The following AGBL1 variants were observed in gnomAD, a reference collection of about 807,000 sequenced individuals.
AGBL1 encodes the protein AGBL carboxypeptidase 1.
In AGBL1, 130 loss-of-function variants were observed where a neutral mutation model predicts 118.9. The observed-to-expected ratio is 1.09, with a 90% CI of 0.95 to 1.26. The LOEUF is 1.26. Among genes scored for constraint, AGBL1 ranks in the 50% most tolerant of loss-of-function variants. The pLI is 0.00. For missense variants in AGBL1, 1,584 were observed against 1,298.1 expected, an observed-to-expected ratio of 1.22 and a Z score of -3.38; for synonymous variants, 555 against 478.9, an observed-to-expected ratio of 1.16 and a Z score of -2.08.
At chr15:86,842,569 A>C (rs2079260591) in intron 22 of AGBL1, among the ~76,000 whole-genome samples, 1 of 152,188 alleles carries the variant, frequency 6.6e-6, no homozygotes, top group African/African-American at 2.4e-5. Flanking sequence ...AGAAACAGGC[A>C]ATCTAACCAT....
chr15:86,243,009 A>G (rs544360615), intron 6 of AGBL1, among the ~76,000 whole-genome samples: 1 of 152,272 alleles, frequency 6.6e-6, no homozygotes, highest in South Asian at 2.1e-4. Context: ...TTCACTTCTG[A>G]AGGAGCTGGG....
chr15:86,592,880 C>T (rs75055024), intron 21 of AGBL1, among the ~76,000 whole-genome samples: 2,236 of 152,232 alleles, frequency 0.015, 57 homozygotes, highest in African/African-American at 0.051. Context: ...TCCTGGGGTG[C>T]GGGACCATCT....
chr15:86,347,869 G>A (rs1384315071), intron 17 of AGBL1, among the ~76,000 whole-genome samples: 1 of 152,192 alleles, frequency 6.6e-6, no homozygotes, highest in Non-Finnish European at 1.5e-5. Flanking sequence ...TCTATCAGCT[G>A]CCATTGTCAT....
intron 3 of AGBL1, among the ~76,000 whole-genome samples, chr15:86,148,926 C>A (rs1310552170): frequency 6.6e-6 from 1 of 152,222 alleles, no homozygotes; most frequent in Non-Finnish European, 1.5e-5. Context: ...AACAGCGGAT[C>A]TCTTGGCAGA....
chr15:86,827,756 G>A (rs1299002077), intron 22 of AGBL1, among the ~76,000 whole-genome samples: 1 of 147,474 alleles, frequency 6.8e-6, no homozygotes, highest in Non-Finnish European at 1.5e-5. Flanking sequence ...GTGCAATTAT[G>A]TAGGAGTAGT....
intron 23 of AGBL1, among the ~76,000 whole-genome samples, chr15:86,967,967 G>A (rs2081071478): frequency 6.6e-6 from 1 of 152,038 alleles, no homozygotes. Context: ...AGCATAGAAT[G>A]TTCTTCCATT....
At chr15:86,843,329 A>G (rs2079271762) in intron 22 of AGBL1, among the ~76,000 whole-genome samples, 1 of 151,934 alleles carries the variant, frequency 6.6e-6, no homozygotes, top group South Asian at 2.1e-4. Flanking sequence ...GCAACACTGA[A>G]GCCAGGACTT....
rs144896802 is a variant in AGBL1 at position 86,779,269 on chromosome 15, C to G, written c.3158+104833C>G. Among the ~76,000 whole-genome samples the G allele has an allele frequency of 9.2e-3, 1,409 of 152,338 alleles. 77 individuals are homozygous for G. The highest frequency in any genetic ancestry group is 0.085 in the Admixed American group (1,303 of 15,298). ...TCTGTGAACCAGGAGACAGGCCTCA[C>G]CAGACACAGAATCTGCCAGTGCCTT... On this transcript the variant is annotated intron_variant, in intron 22 of 22. Coordinates refer to ENST00000614907, the MANE Select transcript of AGBL1 (RefSeq NM_001386094.1).
rs1417036773 is a variant in AGBL1 at position 86,982,348 on chromosome 15, CATTGTAT to C, written c.3222-5637_3222-5631del. On this transcript the variant is annotated intron_variant, in intron 23 of 24. Transcript: ENST00000441037. ...ACCTATTTTACTCTTTTATAGTATACATTGTATAATGTTGATGGACATTTAGCTTGTG... is the reference window on the plus strand; with the variant it reads ...ACCTATTTTACTCTTTTATAGTATACAATGTTGATGGACATTTAGCTTGTG... Among the ~76,000 whole-genome samples the C allele has an allele frequency of 2.6e-5, 4 of 151,838 alleles. No individual in the cohort carries two copies. In the East Asian group the frequency reaches 5.8e-4, roughly 22 times the overall value.
chr15:86,822,296 G>T (rs1354981505), intron 22 of AGBL1, among the ~76,000 whole-genome samples: 1 of 152,076 alleles, frequency 6.6e-6, no homozygotes. Flanking sequence ...ATTATCCCCT[G>T]TTCTTCTCAG....
At chr15:86,380,822 A>G (rs1289073047) in intron 17 of AGBL1, among the ~76,000 whole-genome samples, 3 of 152,126 alleles carry the variant, frequency 2.0e-5, no homozygotes. Context: ...CACATCTCTT[A>G]ATGGCTACAC....
At chr15:86,872,804 A>G (rs1002251073) in intron 22 of AGBL1, among the ~76,000 whole-genome samples, 1 of 152,212 alleles carries the variant, frequency 6.6e-6, no homozygotes, top group African/African-American at 2.4e-5. Flanking sequence ...TTACAAATCC[A>G]TAATGATATG....
At chr15:86,188,036 C>G (rs866899700) in intron 5 of AGBL1, among the ~76,000 whole-genome samples, 18 of 152,242 alleles carry the variant, frequency 1.2e-4, no homozygotes, top group African/African-American at 4.3e-4. Flanking sequence ...AAAGTTTTTT[C>G]GTCTCTCAAA....
intron 17 of AGBL1, among the ~76,000 whole-genome samples, chr15:86,339,474 T>C (rs528587918): frequency 6.6e-6 from 1 of 152,264 alleles, no homozygotes; most frequent in African/African-American, 2.4e-5. Flanking sequence ...ACTCCAATTA[T>C]ATGAATGTTC....
Position 86,546,510 on chromosome 15 carries a change from A to G in AGBL1, c.2817+377A>G, listed in dbSNP as rs569876506. Among the ~76,000 whole-genome samples the G allele has an allele frequency of 3.3e-5, 5 of 152,308 alleles. No individual in the cohort carries two copies. The South Asian group carries it at 6.2e-4, about 19-fold the overall frequency. On this transcript the variant is annotated intron_variant, in intron 20 of 22. Transcript: ENST00000614907. The stretch of plus-strand genomic sequence containing the variant: ...GAACCACCCTTCTGCCATCTGTAAA[A>G]TGAGGATAGTAAAAATACTGCCTCT...
At chr15:86,420,753 A>C (rs540397104) in intron 18 of AGBL1, among the ~76,000 whole-genome samples, 3 of 152,204 alleles carry the variant, frequency 2.0e-5, no homozygotes, top group African/African-American at 7.2e-5. Flanking sequence ...ATAACTTTAG[A>C]GAAGAATATA....
chr15:86,736,168 G>C (rs565912581), intron 22 of AGBL1, among the ~76,000 whole-genome samples: 1 of 152,222 alleles, frequency 6.6e-6, no homozygotes, highest in East Asian at 1.9e-4. Flanking sequence ...AGATCACGAG[G>C]TCAGGACATC....
chr15:86,480,504 A>T (rs1460504691), intron 18 of AGBL1, among the ~76,000 whole-genome samples: 2 of 152,104 alleles, frequency 1.3e-5, no homozygotes, highest in Non-Finnish European at 2.9e-5. Flanking sequence ...GAGTCAATTA[A>T]ATTCTATTTT....
chr15:86,864,456 T>C (rs1596565112), intron 22 of AGBL1, among the ~76,000 whole-genome samples: 2 of 152,194 alleles, frequency 1.3e-5, no homozygotes, highest in South Asian at 2.1e-4. Context: ...AAGAGAATTT[T>C]AATACCTTCA....
Sources: allele counts gnomAD v4.1 joint callset (sites outside exome capture counted in the v4.1 genomes callset), GRCh38; gene constraint gnomAD v4.1.1; transcripts MANE v1.5; gene names NCBI Gene and HGNC (gene_info 2026-07-23, HGNC 2026-07-21).